SYN3: variants seen among roughly 807,000 people sequenced by gnomAD.
SYN3 encodes the protein synapsin III, also known as synapsin-3.
Under a neutral mutation model 65.8 loss-of-function variants are expected in SYN3, and 35 were observed. That is an observed-to-expected ratio of 0.53 (90% CI 0.41 to 0.70). The LOEUF (loss-of-function observed/expected upper bound fraction) is 0.70. SYN3 is among the 30% of genes least tolerant of loss of function. The pLI is 0.00. For missense variants in SYN3, 680 were observed against 749.0 expected (o/e 0.91, Z 1.08); for synonymous variants, 270 against 292.9 (o/e 0.92, Z 0.80).
chr22:32,863,866 T>G (rs2048615214), intron 6 of SYN3, among the ~76,000 whole-genome samples: 1 of 152,308 alleles, frequency 6.6e-6, no homozygotes, highest in African/African-American at 2.4e-5. Flanking sequence ...ACTCTGAATT[T>G]TCCCCACTGT....
rs369538773 is a variant in SYN3, at chr22:32,596,236, T to C, written c.774+438A>G. The stretch of plus-strand genomic sequence containing the variant: ...CATACAGCCTGTGGAGCCACAGCCA[T>C]TAAACCTCTTTTCTTTAAAATTACC... On this transcript the variant is annotated intron_variant, in intron 7 of 13. Transcript: ENST00000358763. 9.9e-5 allele frequency among the ~76,000 whole-genome samples: 15 copies of C among 152,264 alleles called. 1 individual carries two copies. The highest frequency in any genetic ancestry group is 3.4e-3 in the Middle Eastern group (1 of 294).
intron 6 of SYN3, among the ~76,000 whole-genome samples, chr22:32,616,214 G>A (rs1244943014): frequency 6.6e-6 from 1 of 152,158 alleles, no homozygotes; most frequent in Non-Finnish European, 1.5e-5. Context: ...TGGGGGGCAG[G>A]AGGTGAGGGG....
chr22:32,962,578 T>C (rs921854011), intron 3 of SYN3, among the ~76,000 whole-genome samples: 9 of 152,132 alleles, frequency 5.9e-5, no homozygotes, highest in South Asian at 2.1e-4. Flanking sequence ...GAGTTAGCTG[T>C]GGGAGTGAGG....
intron 6 of SYN3, among the ~76,000 whole-genome samples, chr22:32,831,496 A>G (rs2047572002): frequency 6.6e-6 from 1 of 152,112 alleles, no homozygotes; most frequent in Non-Finnish European, 1.5e-5. Context: ...TCCACTTGAT[A>G]TGTGGGGGTC....
At chr22:33,025,064 G>C (rs1463195055) in intron 1 of SYN3, among the ~76,000 whole-genome samples, 1 of 152,158 alleles carries the variant, frequency 6.6e-6, no homozygotes, top group Non-Finnish European at 1.5e-5. Context: ...ATTTTGGTGG[G>C]CACAGTGGCT....
chr22:32,937,735 G>A (rs534540554), intron 3 of SYN3, among the ~76,000 whole-genome samples: 1 of 151,928 alleles, frequency 6.6e-6, no homozygotes, highest in African/African-American at 2.4e-5. Context: ...GATTTAGGTG[G>A]GGCACAGAGC....
intron 6 of SYN3, among the ~76,000 whole-genome samples, chr22:32,619,282 A>G (rs1244579642): frequency 1.3e-5 from 2 of 152,250 alleles, no homozygotes; most frequent in Non-Finnish European, 2.9e-5. Context: ...CATTTGTAAA[A>G]TAAAAGTGAT....
intron 6 of SYN3, among the ~76,000 whole-genome samples, chr22:32,846,282 C>G (rs2051423789): frequency 6.6e-6 from 1 of 152,206 alleles, no homozygotes; most frequent in South Asian, 2.1e-4. Context: ...CTTGTTCTGA[C>G]TACTTCATCT....
At chr22:32,595,891 AC>A (rs893941364) in intron 7 of SYN3, among the ~76,000 whole-genome samples, 13 of 152,318 alleles carry the variant, frequency 8.5e-5, no homozygotes, top group African/African-American at 3.1e-4. Flanking sequence ...AGCCTGGCCA[AC>A]ATGGTGAAAC....
intron 13 of SYN3, 46 bp from the exon 14 acceptor site, chr22:32,513,870 A>G (rs769006542): frequency 3.7e-5 from 60 of 1,610,686 alleles, no homozygotes; most frequent in Admixed American, 6.7e-5. Context: ...GGCGAAGACT[A>G]TCAAAGAAAT....
chr22:32,831,998 AG>A (rs2047587642), intron 6 of SYN3, among the ~76,000 whole-genome samples: 1 of 152,218 alleles, frequency 6.6e-6, no homozygotes, highest in Non-Finnish European at 1.5e-5. Context: ...GTTACAGATC[AG>A]CAATGTCCCA....
intron 7 of SYN3, among the ~76,000 whole-genome samples, chr22:32,581,097 A>G (rs2058933998): frequency 6.6e-6 from 1 of 152,144 alleles, no homozygotes; most frequent in East Asian, 1.9e-4. Flanking sequence ...CACTAGGGAC[A>G]TTTACTGGCC....
At chr22:32,693,908 C>G (rs1311949994) in intron 6 of SYN3, among the ~76,000 whole-genome samples, 3 of 151,914 alleles carry the variant, frequency 2.0e-5, no homozygotes, top group Non-Finnish European at 2.9e-5. Context: ...TATTGAACAT[C>G]TTTATTTTTG....
chr22:32,915,817 C>T (rs2050172489), intron 4 of SYN3, among the ~76,000 whole-genome samples: 1 of 152,156 alleles, frequency 6.6e-6, no homozygotes, highest in African/African-American at 2.4e-5. Flanking sequence ...CATTTGGCAT[C>T]TGATTTAGTT....
At chr22:32,701,208 C>T (rs1181076571) in intron 6 of SYN3, among the ~76,000 whole-genome samples, 1 of 152,172 alleles carries the variant, frequency 6.6e-6, no homozygotes, top group Non-Finnish European at 1.5e-5. Flanking sequence ...CACACTCTTG[C>T]TTAAAAAGCT....
chr22:32,788,323 C>G (rs2046242083), intron 6 of SYN3, among the ~76,000 whole-genome samples: 1 of 152,046 alleles, frequency 6.6e-6, no homozygotes, highest in Non-Finnish European at 1.5e-5. Context: ...GGACGAATCA[C>G]GAGGTCAGGA....
At chr22:32,652,179 A>G (rs771519404) in intron 6 of SYN3, among the ~76,000 whole-genome samples, 5 of 152,158 alleles carry the variant, frequency 3.3e-5, no homozygotes, top group Non-Finnish European at 4.4e-5. Flanking sequence ...TCAACAACCA[A>G]CTTCTGCCAT....
At chr22:32,677,993 G>T (rs945788813) in intron 6 of SYN3, among the ~76,000 whole-genome samples, 1 of 152,124 alleles carries the variant, frequency 6.6e-6, no homozygotes, top group African/African-American at 2.4e-5. Flanking sequence ...GAACTACAAA[G>T]AGCTCAGTTC....
chr22:32,874,474 T>C (rs5754321), intron 4 of SYN3, among the ~76,000 whole-genome samples: 26,861 of 152,240 alleles, frequency 0.18, 2,601 homozygotes, highest in Non-Finnish European at 0.22. Context: ...TGAATGCTTC[T>C]GGCAGCGTCA....
Sources: gnomAD v4.1 joint callset for allele counts (sites outside exome capture counted in the v4.1 genomes callset) on GRCh38, gnomAD v4.1.1 for gene constraint, MANE v1.5 for transcripts, NCBI Gene and HGNC (gene_info 2026-07-23, HGNC 2026-07-21) for gene names.